The following ZC3H11A variants were observed in gnomAD, a reference collection of about 807,000 sequenced individuals.
ZC3H11A encodes zinc finger CCCH domain-containing protein 11A.
ZC3H11A carries 22 observed loss-of-function variants against 90.8 expected under a neutral mutation model. The ratio of observed to expected loss-of-function variants is 0.24; its 90% CI spans 0.17 to 0.35. The LOEUF (loss-of-function observed/expected upper bound fraction) is 0.35, where lower values mean the gene tolerates loss of function less well. Among genes scored for constraint, ZC3H11A ranks in the 10% least tolerant of loss-of-function variants. The pLI, the probability that ZC3H11A is intolerant of heterozygous loss-of-function variation, is 1.00. For synonymous variants in ZC3H11A, 294 were observed against 339.8 expected, an observed-to-expected ratio of 0.87 and a Z score of 1.48; for missense variants, 701 against 964.9, an observed-to-expected ratio of 0.73 and a Z score of 3.62.
At chr1:203,840,200 A>G (rs1685665279) in intron 11 of ZC3H11A, 106 bp from the exon 12 acceptor site, 1 of 1,109,668 alleles carries the variant, frequency 9.0e-7, no homozygotes, top group South Asian at 1.4e-5. Context: ...TGGCCTCCCA[A>G]AGTTCTGGGA....
intron 4 of ZC3H11A, among the ~76,000 whole-genome samples, chr1:203,819,011 G>A (rs1277885249): frequency 6.6e-6 from 1 of 150,906 alleles, no homozygotes; most frequent in African/African-American, 2.4e-5. Context: ...GGAGGTTGCA[G>A]TGAGCTGAGA....
At chr1:203,822,959 C>T (rs1414136635) in intron 4 of ZC3H11A, among the ~76,000 whole-genome samples, 1 of 152,178 alleles carries the variant, frequency 6.6e-6, no homozygotes. Context: ...CTACTCCAGT[C>T]TGGTTTTGTA....
rs1688144450 is a variant in ZC3H11A, at chr1:203,847,212, T to C, written c.1071T>C (p.His357=). The C allele has an allele frequency of 2.5e-6, 4 of 1,613,612 alleles. No individual in the cohort carries two copies. Among genetic ancestry groups the C allele is most frequent in the African/African-American group, 2.7e-5 (2 of 74,832 alleles). Residue 357 remains histidine, a synonymous_variant, in exon 13 of 18, where the codon CAT becomes CAC. Transcript: ENST00000367210. ...AAGTTAATAAAGTTGGTGAGATCCATGTGAAGACATTAGAAGAAATTCTTC... is the reference window on the plus strand; with the variant it reads ...AAGTTAATAAAGTTGGTGAGATCCACGTGAAGACATTAGAAGAAATTCTTC... ...TDKVNKVGEI[H]VKTLEEILLE... is the part of the protein sequence containing the mutation.
rs560171655 is a variant in ZC3H11A at position 203,838,407 on chromosome 1, A to T, written c.973+343A>T. On this transcript the variant is annotated intron_variant, in intron 11 of 17. Transcript: ENST00000367210. The stretch of plus-strand genomic sequence containing the variant: ...TCTGTTAGGGGAAGGTTCACAGAAG[A>T]AGTTATGTTAAAGTTTAGACCTAAG... 3.9e-5 allele frequency among the ~76,000 whole-genome samples: 6 copies of T among 152,356 alleles called. No homozygotes were observed. In the East Asian group the frequency reaches 1.2e-3, roughly 29 times the overall value.
intron 2 of ZC3H11A, among the ~76,000 whole-genome samples, chr1:203,813,944 C>G (rs1352356046): frequency 2.7e-5 from 4 of 148,216 alleles, no homozygotes; most frequent in Non-Finnish European, 4.4e-5. Flanking sequence ...CCACCCATAC[C>G]CTTTTCTCTA....
chr1:203,821,616 C>A (rs1367749247), intron 4 of ZC3H11A, among the ~76,000 whole-genome samples: 9 of 152,134 alleles, frequency 5.9e-5, no homozygotes, highest in Non-Finnish European at 1.2e-4. Context: ...GCCCTGGTTT[C>A]TTTTAGTGAA....
At chr1:203,841,155 T>TA (rs1686032808) in intron 12 of ZC3H11A, among the ~76,000 whole-genome samples, 1 of 138,264 alleles carries the variant, frequency 7.2e-6, no homozygotes, top group African/African-American at 2.7e-5. Flanking sequence ...TTTTTTTTTT[T>TA]TATTTTTTTT....
intron 4 of ZC3H11A, among the ~76,000 whole-genome samples, chr1:203,821,148 C>T (rs1010768641): frequency 1.3e-5 from 2 of 151,982 alleles, no homozygotes; most frequent in Non-Finnish European, 1.5e-5. Flanking sequence ...ATAGTGAGTG[C>T]GTTCTCGTGA....
At chr1:203,824,274 TAAA>T (rs5780199) in intron 4 of ZC3H11A, among the ~76,000 whole-genome samples, 1 of 139,982 alleles carries the variant, frequency 7.1e-6, no homozygotes, top group Non-Finnish European at 1.5e-5. Context: ...ATCTCAAAAT[TAAA>T]AAAAAAAAAA....
At chr1:203,806,830 C>CT (rs373591619) in intron 2 of ZC3H11A, among the ~76,000 whole-genome samples, 70,697 of 117,910 alleles carry the variant, frequency 0.6, 21,806 homozygotes, top group Admixed American at 0.7. Flanking sequence ...CCTCAGGTTC[C>CT]TTTTTTTTTT....
At chr1:203,827,588 A>G (rs1680953896) in intron 4 of ZC3H11A, among the ~76,000 whole-genome samples, 1 of 151,952 alleles carries the variant, frequency 6.6e-6, no homozygotes, top group Admixed American at 6.6e-5. Flanking sequence ...AGGCTGAGGC[A>G]GGAGAATGGC....
intron 4 of ZC3H11A, among the ~76,000 whole-genome samples, chr1:203,825,004 G>A (rs1180743271): frequency 6.7e-6 from 1 of 148,748 alleles, no homozygotes; most frequent in Non-Finnish European, 1.5e-5. Flanking sequence ...TTGAACCCTG[G>A]AGGTGGAGGT....
chr1:203,823,302 C>T (rs1679385761), intron 4 of ZC3H11A, among the ~76,000 whole-genome samples: 1 of 152,168 alleles, frequency 6.6e-6, no homozygotes, highest in African/African-American at 2.4e-5. Flanking sequence ...TTTATGCCCA[C>T]TCCCTTTAGG....
chr1:203,806,829 C>CTTTT (rs1404080317), intron 2 of ZC3H11A, among the ~76,000 whole-genome samples: 1 of 31,920 alleles, frequency 3.1e-5, no homozygotes, highest in African/African-American at 1.0e-4. Context: ...ACCTCAGGTT[C>CTTTT]CTTTTTTTTT....
At chr1:203,834,023 A>G in intron 10 of ZC3H11A, 170 bp downstream of exon 10, 1 of 1,276,500 alleles carries the variant, frequency 7.8e-7, no homozygotes. Flanking sequence ...TTTATTGAAG[A>G]TACAGAGATT....
intron 4 of ZC3H11A, among the ~76,000 whole-genome samples, chr1:203,820,855 T>C (rs1678401452): frequency 6.6e-6 from 1 of 152,170 alleles, no homozygotes; most frequent in South Asian, 2.1e-4. Flanking sequence ...CTTTGATCAC[T>C]CAATTAAGAT....
At chr1:203,834,391 C>G (rs1683516039) in intron 10 of ZC3H11A, among the ~76,000 whole-genome samples, 1 of 151,982 alleles carries the variant, frequency 6.6e-6, no homozygotes, top group African/African-American at 2.4e-5. Flanking sequence ...CCTGCCCCAG[C>G]CTCTCAAGTA....
intron 10 of ZC3H11A, among the ~76,000 whole-genome samples, chr1:203,835,417 GA>G (rs1460408630): frequency 6.6e-6 from 1 of 152,062 alleles, no homozygotes; most frequent in Admixed American, 6.5e-5. Flanking sequence ...AGTCATTTAC[GA>G]AAAAAGCTTA....
chr1:203,846,724 T>C (rs550093254), intron 12 of ZC3H11A, among the ~76,000 whole-genome samples: 1 of 152,358 alleles, frequency 6.6e-6, no homozygotes. Flanking sequence ...TTTATCCAAC[T>C]AGTAAATGGC....
Sources: allele counts gnomAD v4.1 joint callset (sites outside exome capture counted in the v4.1 genomes callset), GRCh38; gene constraint gnomAD v4.1.1; transcripts MANE v1.5; gene names NCBI Gene and HGNC (gene_info 2026-07-23, HGNC 2026-07-21).